Variants in MUSK observed in about 807,000 individuals in gnomAD.
MUSK encodes the protein muscle, skeletal receptor tyrosine-protein kinase.
In MUSK, 55 loss-of-function variants were observed where a neutral mutation model predicts 88.7. The ratio of observed to expected loss-of-function variants is 0.62; its 90% CI spans 0.50 to 0.78. The LOEUF (loss-of-function observed/expected upper bound fraction) is 0.78. Ranked by LOEUF, MUSK falls within the 30% of genes least tolerant of loss-of-function variation. The pLI is 0.00. For missense variants in MUSK, 1,015 were observed against 1,074.3 expected (o/e 0.94, Z 0.77); for synonymous variants, 387 against 391.9 (o/e 0.99, Z 0.15).
At chr9:110,735,082 A>G (rs1184939532) in intron 6 of MUSK, among the ~76,000 whole-genome samples, 1 of 152,078 alleles carries the variant, frequency 6.6e-6, no homozygotes, top group Non-Finnish European at 1.5e-5. Flanking sequence ...ACCTTAGGAG[A>G]AATCAGAACT....
chr9:110,768,974 G>C (rs1027963621), intron 9 of MUSK, among the ~76,000 whole-genome samples: 1 of 152,022 alleles, frequency 6.6e-6, no homozygotes, highest in Non-Finnish European at 1.5e-5. Context: ...AGAAAAAAAA[G>C]AATCTAGTTT....
chr9:110,697,403 C>T lies in MUSK; in HGVS notation c.565C>T (p.Arg189Ter). 7 of 1,612,502 alleles carry T rather than the reference C, an allele frequency of 4.3e-6. No homozygotes were observed. Among genetic ancestry groups the T allele is most frequent in the African/African-American group, 1.3e-5 (1 of 74,944 alleles). ...ACAAAAGGAAGATGCAGGACAGTAT[C>T]GATGTGTGGCAAAAAACAGCCTCGG... Reference protein sequence around the residue: ...NVQKEDAGQYRCVAKNSLGTA... With the variant: ...NVQKEDAGQY Residue 189 changes from arginine to a stop codon, truncating the protein, a stop_gained, in exon 5 of 15, where the codon CGA becomes TGA. Coordinates refer to ENST00000374448, the MANE Select transcript of MUSK (RefSeq NM_005592.4). LOFTEE classifies it high-confidence loss of function.
Position 110,669,003 on chromosome 9 carries a change from T to C in MUSK, c.79+20T>C. 1.0e-5 allele frequency: 16 copies of C among 1,596,364 alleles called. No individual in the cohort carries two copies. Among genetic ancestry groups the C allele is most frequent in the Non-Finnish European group, 1.4e-5 (16 of 1,163,930 alleles). ...CAAAAGGTTGGTTTGAGCAATCGTG[T>C]CTTCTTGTTGTCTTGTCATGGTTGT... On this transcript the variant is annotated intron_variant, in intron 1 of 14. Transcript: ENST00000374448.
Position 110,668,814 on chromosome 9 carries a change from G to C in MUSK, c.-91G>C. 1 of 986,836 alleles carries C rather than the reference G, an allele frequency of 1.0e-6. No individual in the cohort carries two copies. The highest frequency in any genetic ancestry group is 1.6e-6 in the Non-Finnish European group (1 of 621,640). 61.1% of individuals were successfully genotyped at this position (986,836 alleles called of 1,614,324 possible). On this transcript the variant is annotated 5_prime_UTR_variant, in exon 1 of 15. Transcript: ENST00000374448. ...ACAGTCATTAGCAGACAACCCTTTTGCAACAAAGTATGCTTTAAAATGTAA... is the reference window on the plus strand; with the variant it reads ...ACAGTCATTAGCAGACAACCCTTTTCCAACAAAGTATGCTTTAAAATGTAA...
chr9:110,738,311 A>C (rs1224679917), intron 6 of MUSK, among the ~76,000 whole-genome samples: 1 of 152,122 alleles, frequency 6.6e-6, no homozygotes, highest in Non-Finnish European at 1.5e-5. Flanking sequence ...ATGTGAGCTA[A>C]GATTATTATT....
chr9:110,692,698 A>G (rs865806717), intron 3 of MUSK, among the ~76,000 whole-genome samples: 1 of 152,114 alleles, frequency 6.6e-6, no homozygotes, highest in African/African-American at 2.4e-5. Flanking sequence ...CTTAAAAACT[A>G]TATTTTTAAT....
chr9:110,765,615 C>A (rs1017244614), intron 8 of MUSK, among the ~76,000 whole-genome samples: 9 of 152,120 alleles, frequency 5.9e-5, no homozygotes, highest in African/African-American at 2.2e-4. Flanking sequence ...GCTCTGTCAC[C>A]CAGGCCGGAG....
At chr9:110,715,233 T>C (rs572302261) in intron 5 of MUSK, among the ~76,000 whole-genome samples, 1 of 150,152 alleles carries the variant, frequency 6.7e-6, no homozygotes, top group East Asian at 1.9e-4. Context: ...TTACCTCTAG[T>C]ACTTCCCAGT....
chr9:110,789,205 A>G (rs2077929414), intron 14 of MUSK, among the ~76,000 whole-genome samples: 1 of 152,252 alleles, frequency 6.6e-6, no homozygotes, highest in Admixed American at 6.5e-5. Context: ...GGAAGACAGT[A>G]AACAGGTATT....
intron 3 of MUSK, 78 bp downstream of exon 3, chr9:110,687,346 T>C: frequency 6.4e-7 from 1 of 1,557,082 alleles, no homozygotes; most frequent in South Asian, 1.2e-5. Flanking sequence ...TTTTACATTT[T>C]TTTTTTGAGA....
rs1262681536 is a variant in MUSK, at chr9:110,800,853, G to T, written c.2475G>T (p.Glu825Asp). ...VRDGNILSCP[E>D]NCPVELYNLM... ...ATGGCAACATCCTCTCCTGCCCTGA[G>T]AACTGCCCCGTGGAGCTGTACAATC... Residue 825 changes from glutamate to aspartate, a missense_variant, in exon 15 of 15, where the codon GAG becomes GAT. Transcript: ENST00000374448. 3 of 1,606,106 alleles carry T rather than the reference G, an allele frequency of 1.9e-6. No individual in the cohort carries two copies. The highest frequency in any genetic ancestry group is 2.6e-6 in the Non-Finnish European group (3 of 1,174,962).
chr9:110,798,772 T>C (rs532795621), intron 14 of MUSK, among the ~76,000 whole-genome samples: 19 of 152,212 alleles, frequency 1.2e-4, no homozygotes, highest in African/African-American at 4.6e-4. Flanking sequence ...ATAGAAAACA[T>C]TTTGAGGTCT....
intron 6 of MUSK, among the ~76,000 whole-genome samples, chr9:110,738,251 A>T (rs1352730958): frequency 1.3e-5 from 2 of 151,284 alleles, no homozygotes. Context: ...TACTTTTCTT[A>T]ATTTTGTATT....
chr9:110,711,202 T>C (rs2076665444), intron 5 of MUSK, among the ~76,000 whole-genome samples: 1 of 152,112 alleles, frequency 6.6e-6, no homozygotes, highest in Non-Finnish European at 1.5e-5. Flanking sequence ...TGTATACATA[T>C]GTAACAAACC....
At chr9:110,730,206 C>G (rs1324776529) in intron 5 of MUSK, among the ~76,000 whole-genome samples, 1 of 130,440 alleles carries the variant, frequency 7.7e-6, no homozygotes, top group East Asian at 2.0e-4. Flanking sequence ...AAATATATTA[C>G]CTTGGTCTAT....
intron 1 of MUSK, among the ~76,000 whole-genome samples, chr9:110,680,650 T>C (rs144391580): frequency 0.021 from 3,261 of 151,980 alleles, 121 homozygotes; most frequent in African/African-American, 0.074. Context: ...CCTCCCAAAG[T>C]GCTGGGATGA....
chr9:110,765,699 G>A (rs562176892), intron 8 of MUSK, among the ~76,000 whole-genome samples: 4 of 151,816 alleles, frequency 2.6e-5, no homozygotes, highest in East Asian at 3.9e-4. Flanking sequence ...TCAGCCCCTC[G>A]AGTAGCTGGG....
At chr9:110,703,491 C>G (rs1040316305) in intron 5 of MUSK, among the ~76,000 whole-genome samples, 1 of 151,700 alleles carries the variant, frequency 6.6e-6, no homozygotes, top group Non-Finnish European at 1.5e-5. Flanking sequence ...GATTGCACCA[C>G]TACACTCCAG....
intron 6 of MUSK, among the ~76,000 whole-genome samples, chr9:110,743,150 A>G (rs1363185040): frequency 2.0e-5 from 3 of 152,168 alleles, no homozygotes; most frequent in Non-Finnish European, 2.9e-5. Context: ...TGCTCAGTAC[A>G]ATGGGTACTC....
Sources: allele counts gnomAD v4.1 joint callset (sites outside exome capture counted in the v4.1 genomes callset), GRCh38; gene constraint gnomAD v4.1.1; transcripts MANE v1.5; gene names NCBI Gene and HGNC (gene_info 2026-07-23, HGNC 2026-07-21).